ZNF229: variants seen among roughly 807,000 people sequenced by gnomAD.
ZNF229 encodes the protein zinc finger protein 229.
Under a neutral mutation model 11.8 loss-of-function variants are expected in ZNF229, and 10 were observed. The ratio of observed to expected loss-of-function variants is 0.85; its 90% CI spans 0.52 to 1.44. The LOEUF (loss-of-function observed/expected upper bound fraction) is 1.44, where lower values mean the gene tolerates loss of function less well. Among genes scored for constraint, ZNF229 ranks in the 40% most tolerant of loss-of-function variants. The pLI is 0.00. For missense variants in ZNF229, 1,045 were observed against 1,015.1 expected (o/e 1.03, Z -0.40); for synonymous variants, 368 against 374.8 (o/e 0.98, Z 0.21).
intron 4 of ZNF229, among the ~76,000 whole-genome samples, chr19:44,434,727 T>C (rs1028075801): frequency 3.3e-5 from 5 of 152,242 alleles, no homozygotes; most frequent in African/African-American, 1.2e-4. Context: ...ATGAGATGAA[T>C]GCTTTCACTT....
At chr19:44,434,590 A>T (rs978251624) in intron 4 of ZNF229, among the ~76,000 whole-genome samples, 7 of 152,206 alleles carry the variant, frequency 4.6e-5, no homozygotes, top group Non-Finnish European at 1.0e-4. Context: ...TATTACTGTA[A>T]TATCATTGCT....
chr19:44,434,596 T>C (rs914823566), intron 4 of ZNF229, among the ~76,000 whole-genome samples: 2 of 152,234 alleles, frequency 1.3e-5, no homozygotes, highest in African/African-American at 2.4e-5. Flanking sequence ...TGTAATATCA[T>C]TGCTGTCTTC....
intron 4 of ZNF229, among the ~76,000 whole-genome samples, chr19:44,439,162 G>A (rs1971864944): frequency 6.6e-6 from 1 of 152,176 alleles, no homozygotes; most frequent in African/African-American, 2.4e-5. Context: ...CTTACTTGAG[G>A]AGAAACCCAC....
chr19:44,436,232 A>C (rs1268309874), intron 4 of ZNF229, among the ~76,000 whole-genome samples: 3 of 152,096 alleles, frequency 2.0e-5, no homozygotes, highest in Non-Finnish European at 4.4e-5. Flanking sequence ...AAGTAGTGGC[A>C]TGTGGTAGTG....
chr19:44,442,563 C>T lies in ZNF229; in HGVS notation c.93G>A (p.Gln31=). 6.2e-7 allele frequency: 1 copy of T among 1,613,974 alleles called. No individual in the cohort carries two copies. The highest frequency in any genetic ancestry group is 8.5e-7 in the Non-Finnish European group (1 of 1,179,952). Residue 31 remains glutamine (Q), a splice_region_variant and synonymous_variant, in exon 4 of 6, where the codon CAG becomes CAA. Transcript: ENST00000614049. ...CGGGAGAGAAAAGAAAACAACCCAC[C>T]TGAGACATGATCTTCTCCTCCCTAT... ...SQDREEKIMS[Q]EPLSFKDVAV...
chr19:44,431,425 A>C (rs1292084386), intron 5 of ZNF229, among the ~76,000 whole-genome samples: 1 of 152,136 alleles, frequency 6.6e-6, no homozygotes, highest in Non-Finnish European at 1.5e-5. Context: ...CTAGTACAAT[A>C]CTAGAAGAAA....
chr19:44,439,901 A>G (rs1157982029), intron 4 of ZNF229, among the ~76,000 whole-genome samples: 3 of 152,214 alleles, frequency 2.0e-5, no homozygotes, highest in Non-Finnish European at 4.4e-5. Context: ...CTTCTACTAA[A>G]TCTTTATTTT....
chr19:44,433,125 C>T (rs1419207269), intron 4 of ZNF229, among the ~76,000 whole-genome samples: 1 of 152,108 alleles, frequency 6.6e-6, no homozygotes, highest in South Asian at 2.1e-4. Flanking sequence ...GCAATCACAG[C>T]TCACTGCAGC....
rs371142100 is a variant in ZNF229, at chr19:44,430,043, T to C, written c.738A>G (p.Arg246=). The C allele has an allele frequency of 1.6e-5, 26 of 1,614,202 alleles. No homozygotes were observed. In the African/African-American group the frequency reaches 3.3e-4, roughly 21 times the overall value. The change falls in exon 6 of 6, where the codon AGA becomes AGG. Residue 246 remains arginine, a synonymous_variant. Transcript: ENST00000614049. Reference sequence around the variant, plus strand: ...GTACAGAGTTTTTAATGCAGTCTTTTCTGCATTTATTGCAACCACACGGCT... The same window carrying C: ...GTACAGAGTTTTTAATGCAGTCTTTCCTGCATTTATTGCAACCACACGGCT... ...IDKPCGCNKC[R]KDCIKNSVLH... is the part of the protein sequence containing the mutation.
At chr19:44,441,998 A>T (rs766289164) in intron 4 of ZNF229, among the ~76,000 whole-genome samples, 18 of 152,194 alleles carry the variant, frequency 1.2e-4, no homozygotes, top group Non-Finnish European at 2.4e-4. Context: ...TTTTCATATG[A>T]TTAGTGGGCA....
rs1971704462 is a variant in ZNF229, at chr19:44,430,522, T to C, written c.259A>G (p.Thr87Ala). Residue 87 changes from threonine (T) to alanine (A), a missense_variant, in exon 6 of 6, where the codon ACG becomes GCG. Coordinates refer to ENST00000614049, the MANE Select transcript of ZNF229 (RefSeq NM_014518.4). ...AATTCTTCATCTTGAATATACTCCG[T>C]ATCCTTTCCATTCTTGTCTCCTATG... is the stretch of plus-strand genomic sequence containing the variant. ...NPLGDKNGKD[T>A]EYIQDEELRF... 2 of 1,613,298 alleles carry C rather than the reference T, an allele frequency of 1.2e-6. No individual in the cohort carries two copies. Among genetic ancestry groups the C allele is most frequent in the Admixed American group, 1.7e-5 (1 of 59,938 alleles).
Position 44,429,533 on chromosome 19 carries a change from G to T in ZNF229, c.1248C>A (p.Tyr416Ter), listed in dbSNP as rs200148050. 369 of 1,611,746 alleles carry T rather than the reference G, an allele frequency of 2.3e-4. 1 individual carries two copies. The highest frequency in any genetic ancestry group is 5.8e-4 in the South Asian group (53 of 91,000). Residue 416 changes from tyrosine to a stop codon, truncating the protein, a stop_gained, in exon 6 of 6, where the codon TAC (tyrosine) becomes TAA (stop). Coordinates refer to ENST00000614049, the MANE Select transcript of ZNF229 (RefSeq NM_014518.4). LOFTEE classifies it low-confidence loss of function (END_TRUNC). ...TCTGATGGACTTGAAGCACTGAGCT[G>T]TAACTGAAGCCCTTCCCACACTCGC... ...KCSECGKGFS[Y>*]SSVLQVHQRL...
At position 44,430,077 on chromosome 19, in the gene ZNF229, T is replaced by A. The variant is rs61743477; in HGVS notation, c.704A>T (p.Glu235Val). Residue 235 changes from glutamate to valine, a missense_variant, in exon 6 of 6, where the codon GAA becomes GTA. Transcript: ENST00000614049. ...ISCHVDHRFPEIDKPCGCNKC... is the reference protein window; with the variant it reads ...ISCHVDHRFPVIDKPCGCNKC... ...ATTGCAACCACACGGCTTGTCTATT[T>A]CAGGGAATCTGTGATCAACATGACA... 1 of 1,614,204 alleles carries A rather than the reference T, an allele frequency of 6.2e-7. No individual in the cohort carries two copies. The highest frequency in any genetic ancestry group is 8.5e-7 in the Non-Finnish European group (1 of 1,180,036).
chr19:44,432,900 T>TA (rs1295415835), intron 4 of ZNF229, among the ~76,000 whole-genome samples: 1 of 152,004 alleles, frequency 6.6e-6, no homozygotes, highest in African/African-American at 2.4e-5. Context: ...TGCATATCTC[T>TA]AAAAAAAGAA....
chr19:44,441,055 CTA>C (rs1213116867), intron 4 of ZNF229, among the ~76,000 whole-genome samples: 1 of 152,016 alleles, frequency 6.6e-6, no homozygotes, highest in Non-Finnish European at 1.5e-5. Flanking sequence ...GCAGAGGATA[CTA>C]TAGCCAAGTC....
intron 4 of ZNF229, among the ~76,000 whole-genome samples, chr19:44,435,503 C>G (rs1368261941): frequency 3.3e-5 from 5 of 152,166 alleles, no homozygotes; most frequent in Admixed American, 3.3e-4. Context: ...AAATAAATTG[C>G]AACAAGGCCT....
chr19:44,434,309 C>G (rs894285735), intron 4 of ZNF229, among the ~76,000 whole-genome samples: 1 of 152,112 alleles, frequency 6.6e-6, no homozygotes, highest in Non-Finnish European at 1.5e-5. Context: ...GTAGGCAAAT[C>G]CTGCTCTTTG....
chr19:44,436,558 A>ATC (rs1568405737), intron 4 of ZNF229, among the ~76,000 whole-genome samples: 1 of 152,048 alleles, frequency 6.6e-6, no homozygotes, highest in East Asian at 1.9e-4. Context: ...AGATGGGAGG[A>ATC]TCACTTGATT....
At chr19:44,434,620 C>T (rs1971780395) in intron 4 of ZNF229, among the ~76,000 whole-genome samples, 1 of 152,178 alleles carries the variant, frequency 6.6e-6, no homozygotes, top group Non-Finnish European at 1.5e-5. Flanking sequence ...TGGACAGTGG[C>T]AAGCTTTCTT....
Sources: gnomAD v4.1 joint callset for allele counts (sites outside exome capture counted in the v4.1 genomes callset) on GRCh38, gnomAD v4.1.1 for gene constraint, MANE v1.5 for transcripts, NCBI Gene and HGNC (gene_info 2026-07-23, HGNC 2026-07-21) for gene names.